The following ATP2B2 variants were observed in gnomAD, a reference collection of about 807,000 sequenced individuals.
ATP2B2 encodes ATPase plasma membrane Ca2+ transporting 2, also known as plasma membrane calcium-transporting ATPase 2.
A neutral mutation model predicts 120.0 loss-of-function variants in ATP2B2; 15 were observed. That is an observed-to-expected ratio of 0.12 (90% CI 0.08 to 0.19). The LOEUF (loss-of-function observed/expected upper bound fraction) is 0.19. Among genes scored for constraint, ATP2B2 ranks in the 10% least tolerant of loss-of-function variants. The pLI is 1.00. For synonymous variants in ATP2B2, 694 were observed against 700.3 expected, an observed-to-expected ratio of 0.99 and a Z score of 0.14; for missense variants, 1,045 against 1,719.8, an observed-to-expected ratio of 0.61 and a Z score of 6.94.
In ATP2B2 at chr3:10,577,276, C is replaced by G. The variant is rs542410268; in HGVS notation, c.-415+42641G>C. Among the ~76,000 whole-genome samples the G allele has an allele frequency of 3.3e-4, 51 of 152,290 alleles. No individual in the cohort carries two copies. The South Asian group carries it at 0.01, about 31-fold the overall frequency. ...AGGTGTGGCAAAACCGCCAAGTTGC[C>G]ATAGGGAATCTTGGGAGGCTCTGGG... On this transcript the variant is annotated intron_variant, in intron 2 of 21. Transcript: ENST00000646379.
intron 1 of ATP2B2, among the ~76,000 whole-genome samples, chr3:10,633,250 C>T (rs182329668): frequency 1.3e-5 from 2 of 152,294 alleles, no homozygotes; most frequent in African/African-American, 4.8e-5. Flanking sequence ...AATGAGTTAA[C>T]ACATATGAGT....
At chr3:10,380,009 T>G (rs2061488590) in intron 8 of ATP2B2, among the ~76,000 whole-genome samples, 3 of 152,160 alleles carry the variant, frequency 2.0e-5, no homozygotes. Context: ...GGACCTCAAG[T>G]GTGGCCGGGT....
intron 10 of ATP2B2, among the ~76,000 whole-genome samples, chr3:10,376,815 G>A (rs997384318): frequency 6.6e-6 from 1 of 151,806 alleles, no homozygotes; most frequent in African/African-American, 2.4e-5. Context: ...ACTTTATCCT[G>A]AAGACAGTGG....
Position 10,343,043 on chromosome 3 carries a change from T to G in ATP2B2, c.2704-78A>C, listed in dbSNP as rs1438156066. ...AGTGCTGGGCGGGCTCATGGTGTAG[T>G]GTCCGCAGGCTCCTGCTGGAGGCTG... On this transcript the variant is annotated intron_variant, in intron 18 of 22. Transcript: ENST00000360273. This position sits in a 1 kb window ranked among gnomAD's most constrained non-coding sequence, Gnocchi z 4.2. The G allele has an allele frequency of 4.1e-6, 6 of 1,473,052 alleles. No homozygotes were observed. Among genetic ancestry groups the G allele is most frequent in the Non-Finnish European group, 5.7e-6 (6 of 1,061,416 alleles). The allele number at this position is 1,473,052 out of a possible 1,614,324, so 91.2% of individuals were successfully genotyped here. A position where few individuals can be genotyped will look rare whatever the true frequency, so the allele number is the denominator to read the frequency against.
intron 2 of ATP2B2, among the ~76,000 whole-genome samples, chr3:10,436,380 G>A (rs537993173): frequency 9.9e-5 from 15 of 152,222 alleles, no homozygotes; most frequent in South Asian, 8.3e-4. Context: ...TGCGCCTCTC[G>A]TCCCAACTCT....
In ATP2B2 at chr3:10,358,930, G is replaced by A. The variant is rs2060816993; in HGVS notation, c.1902-5C>T. On this transcript the variant is annotated splice_polypyrimidine_tract_variant and splice_region_variant and intron_variant, in intron 13 of 22. Transcript: ENST00000360273. Reference sequence around the variant, plus strand: ...CCATTGAGGATTTTGCAGCACCTAGGGGAGGATGGAAGGGAGATGGGGAGC... The same window carrying A: ...CCATTGAGGATTTTGCAGCACCTAGAGGAGGATGGAAGGGAGATGGGGAGC... The A allele has an allele frequency of 6.2e-7, 1 of 1,613,132 alleles. No individual in the cohort carries two copies. The highest frequency in any genetic ancestry group is 1.1e-5 in the South Asian group (1 of 91,030).
chr3:10,388,239 A>T, intron 6 of ATP2B2, 38 bp downstream of exon 6: 1 of 1,613,584 alleles, frequency 6.2e-7, no homozygotes, highest in Non-Finnish European at 8.5e-7. Flanking sequence ...TGTGGCCTTA[A>T]GAGCTCCTCT....
chr3:10,411,991 C>T (rs2062626796), intron 2 of ATP2B2, among the ~76,000 whole-genome samples: 1 of 152,238 alleles, frequency 6.6e-6, no homozygotes. Context: ...CCTTGGGAGG[C>T]TGCTCACTGT....
intron 1 of ATP2B2, among the ~76,000 whole-genome samples, chr3:10,667,883 C>T (rs866912062): frequency 6.6e-6 from 1 of 152,122 alleles, no homozygotes; most frequent in African/African-American, 2.4e-5. Flanking sequence ...TCTTACTATG[C>T]AAAATAAACA....
rs139025566 is a variant in ATP2B2, at chr3:10,447,298, C to T, written c.199+2047G>A. On this transcript the variant is annotated intron_variant, in intron 2 of 22. Transcript: ENST00000360273. Reference sequence around the variant, plus strand: ...CTCAGCTAGGCAATACTCCCTCTAGCAGTACAGAGCGGGCTCCCAGGAACC... The same window carrying T: ...CTCAGCTAGGCAATACTCCCTCTAGTAGTACAGAGCGGGCTCCCAGGAACC... Among the ~76,000 whole-genome samples, 729 of 152,342 alleles carry T rather than the reference C, an allele frequency of 4.8e-3. 9 individuals carry two copies. Among genetic ancestry groups the T allele is most frequent in the African/African-American group, 0.017 (702 of 41,580 alleles).
At chr3:10,578,215 G>A (rs1321723157) in intron 2 of ATP2B2, among the ~76,000 whole-genome samples, 1 of 152,188 alleles carries the variant, frequency 6.6e-6, no homozygotes, top group East Asian at 1.9e-4. Context: ...GTTGCTGGTG[G>A]GAGTGTGAAA....
chr3:10,648,936 T>G (rs1160190324), intron 1 of ATP2B2, among the ~76,000 whole-genome samples: 1 of 152,256 alleles, frequency 6.6e-6, no homozygotes, highest in Non-Finnish European at 1.5e-5. Context: ...CCAATTCATT[T>G]TCCACAGAGC....
intron 1 of ATP2B2, among the ~76,000 whole-genome samples, chr3:10,495,829 T>C (rs1473794412): frequency 6.6e-6 from 1 of 152,238 alleles, no homozygotes; most frequent in Non-Finnish European, 1.5e-5. Flanking sequence ...ACTGTGGTGG[T>C]GAGGCTGAGT....
chr3:10,350,499 G>A lies in ATP2B2; in HGVS notation c.2215C>T (p.Arg739Trp), dbSNP rs1345399209. ...MVTGDNINTA[R>W]AIAIKCGIIH... is the part of the protein sequence containing the mutation. ...ATGCCACACTTGATGGCGATGGCCC[G>A]AGCCGTGTTGATATTGTCGCCAGTG... Residue 739 changes from arginine (R) to tryptophan (W), a missense_variant, in exon 15 of 23, where the codon CGG becomes TGG. Around this residue, in one of 11 missense-constraint regions of ATP2B2, gnomAD observed 343 missense variants for 536.8 expected, o/e 0.64. Coordinates refer to ENST00000360273, the MANE Select transcript of ATP2B2 (RefSeq NM_001001331.4). 3.7e-6 allele frequency: 6 copies of A among 1,614,222 alleles called. No homozygotes were observed. Among genetic ancestry groups the A allele is most frequent in the East Asian group, 2.2e-5 (1 of 44,880 alleles).
At chr3:10,575,347 G>A (rs1238069488) in intron 2 of ATP2B2, among the ~76,000 whole-genome samples, 1 of 152,104 alleles carries the variant, frequency 6.6e-6, no homozygotes, top group Non-Finnish European at 1.5e-5. Context: ...AGAAAACTAA[G>A]GCCAATGGGG....
At chr3:10,464,859 A>G (rs1199353293) in intron 1 of ATP2B2, among the ~76,000 whole-genome samples, 1 of 152,244 alleles carries the variant, frequency 6.6e-6, no homozygotes, top group Non-Finnish European at 1.5e-5. Flanking sequence ...CTCAGGTGGA[A>G]GGCTCTGGTG....
chr3:10,526,926 G>T (rs9310365), intron 3 of ATP2B2, among the ~76,000 whole-genome samples: 25,914 of 152,144 alleles, frequency 0.17, 3,151 homozygotes, highest in East Asian at 0.44. Context: ...GGATAAGCCC[G>T]TTATGTGTAC....
At chr3:10,348,683 C>A (rs1248379257) in intron 16 of ATP2B2, among the ~76,000 whole-genome samples, 3 of 152,250 alleles carry the variant, frequency 2.0e-5, no homozygotes, top group Admixed American at 2.0e-4. Context: ...GGCCTGTGAC[C>A]TAAAGCCTCC....
rs187690167 is a variant in ATP2B2, at chr3:10,688,709, C to T, written c.-460+19206G>A. ...CCTATGGCCAGCGGATGCAGCCAAA[C>T]CAGCAAAGTCCTTTACAAAACCCTC... On this transcript the variant is annotated intron_variant, in intron 1 of 21. Coordinates refer to the ATP2B2 transcript ENST00000646379. Among the ~76,000 whole-genome samples, 228 of 152,290 alleles carry T rather than the reference C, an allele frequency of 1.5e-3. 1 individual carries two copies. The highest frequency in any genetic ancestry group is 2.0e-3 in the Non-Finnish European group (136 of 68,036).
Sources: gnomAD v4.1 joint callset for allele counts (sites outside exome capture counted in the v4.1 genomes callset) on GRCh38, gnomAD v4.1.1 for gene constraint, gnomAD v4.1.1 regional missense constraint, Gnocchi (gnomAD v3.1) non-coding constraint, MANE v1.5 for transcripts, NCBI Gene and HGNC (gene_info 2026-07-23, HGNC 2026-07-21) for gene names.